FAIM2: variants seen among roughly 807,000 people sequenced by gnomAD.
FAIM2 encodes Fas apoptotic inhibitory molecule 2, also known as protein lifeguard 2.
A neutral mutation model predicts 47.4 loss-of-function variants in FAIM2; 27 were observed. The ratio of observed to expected loss-of-function variants is 0.57; its 90% CI spans 0.42 to 0.78. FAIM2 has a LOEUF of 0.78. FAIM2 is among the 30% of genes least tolerant of loss of function. The pLI, the probability that FAIM2 is intolerant of heterozygous loss-of-function variation, is 0.00. For missense variants in FAIM2, 311 were observed against 389.4 expected (o/e 0.80, Z 1.69); for synonymous variants, 156 against 159.3 (o/e 0.98, Z 0.16).
rs1946763533 is a variant in FAIM2, at chr12:49,878,533, CATGTGT to C, written c.802-7886_802-7881del. Among the ~76,000 whole-genome samples the C allele has an allele frequency of 4.8e-5, 5 of 104,612 alleles. 1 individual carries two copies. Among genetic ancestry groups the C allele is most frequent in the African/African-American group, 2.0e-4 (5 of 24,496 alleles). 68.6% of individuals were successfully genotyped at this position (104,612 alleles called of 152,430 possible). A position where few individuals can be genotyped will look rare whatever the true frequency, so the allele number is the denominator to read the frequency against. On this transcript the variant is annotated intron_variant, in intron 11 of 11. Coordinates refer to ENST00000320634, the MANE Select transcript of FAIM2 (RefSeq NM_012306.4). ...ATGTGTGCATATGACTGTGTATGTG[CATGTGT>C]ATATGTGCGTGCATGTGTGAGTGTA...
chr12:49,873,552 C>T (rs836968), intron 11 of FAIM2, among the ~76,000 whole-genome samples: 48,444 of 151,872 alleles, frequency 0.32, 8,208 homozygotes, highest in East Asian at 0.53. Flanking sequence ...GTTGGTTTCC[C>T]AGAGCCTGGT....
chr12:49,898,200 C>T, intron 2 of FAIM2, 110 bp from the exon 3 acceptor site: 1 of 479,928 alleles, frequency 2.1e-6, no homozygotes. Flanking sequence ...CTCTCTGGAC[C>T]CTGAAGTCTT....
rs140475730 is a variant in FAIM2 at position 49,892,648 on chromosome 12, G to A, written c.435-1534C>T. On this transcript the variant is annotated intron_variant, in intron 5 of 11. Transcript: ENST00000320634. The stretch of plus-strand genomic sequence containing the variant: ...CCTCACCACTCCTCGGTCCCTCCAG[G>A]GTCTCTCTCAGTCTGCCTGGTTCCC... Among the ~76,000 whole-genome samples, 398 of 152,116 alleles carry A rather than the reference G, an allele frequency of 2.6e-3. 4 individuals carry two copies. The highest frequency in any genetic ancestry group is 9.0e-3 in the African/African-American group (375 of 41,478).
At chr12:49,898,519 G>C (rs1946957278) in intron 2 of FAIM2, among the ~76,000 whole-genome samples, 1 of 152,010 alleles carries the variant, frequency 6.6e-6, no homozygotes, top group Admixed American at 6.6e-5. Flanking sequence ...CATTCTTTTT[G>C]TTTTTGTTTT....
intron 11 of FAIM2, among the ~76,000 whole-genome samples, chr12:49,880,494 A>ATGTGTGTGTATATG (rs1555158551): frequency 0.19 from 26,263 of 138,610 alleles, 3,017 homozygotes; most frequent in African/African-American, 0.36. Flanking sequence ...ATGCATGTGT[A>ATGTGTGTGTATATG]TGTGTGTGTA....
chr12:49,890,586 T>A lies in FAIM2; in HGVS notation c.525+97A>T, dbSNP rs1946893329. 6.0e-6 allele frequency: 7 copies of A among 1,167,996 alleles called. No homozygotes were observed. The South Asian group carries it at 6.1e-5, about 10-fold the overall frequency. The allele number at this position is 1,167,996 out of a possible 1,614,324, so 72.4% of individuals were successfully genotyped here. ...CCCGCCAGGGACCTCACATTGGACATCCCCAGCCCAGTCTTCCTGGTCCTC... is the reference window on the plus strand; with the variant it reads ...CCCGCCAGGGACCTCACATTGGACAACCCCAGCCCAGTCTTCCTGGTCCTC... On this transcript the variant is annotated intron_variant, in intron 7 of 11. Coordinates refer to ENST00000320634, the MANE Select transcript of FAIM2 (RefSeq NM_012306.4).
At position 49,867,928 on chromosome 12, in the gene FAIM2, A is replaced by G. The variant is rs1946675024; in HGVS notation, c.*2576T>C. 6.6e-6 allele frequency: 1 copy of G among 152,532 alleles called. No individual in the cohort carries two copies. 9.4% of individuals were successfully genotyped at this position (152,532 alleles called of 1,614,324 possible). The stretch of plus-strand genomic sequence containing the variant: ...AGGACCCAGAGTAGGAGGCTGCGGC[A>G]TCTTCTGCCCGGCTTCCCCAGCTCT... On this transcript the variant is annotated 3_prime_UTR_variant, in exon 12 of 12. Coordinates refer to ENST00000320634, the MANE Select transcript of FAIM2 (RefSeq NM_012306.4).
intron 7 of FAIM2, among the ~76,000 whole-genome samples, 190 bp downstream of exon 7, chr12:49,890,493 G>A (rs567658625): frequency 1.3e-5 from 2 of 152,338 alleles, no homozygotes; most frequent in African/African-American, 2.4e-5. Context: ...GAACGGGCAA[G>A]ATTAAGCCCA....
intron 3 of FAIM2, 140 bp downstream of exon 3, chr12:49,897,847 T>C (rs981164649): frequency 7.2e-6 from 5 of 693,170 alleles, no homozygotes; most frequent in South Asian, 1.7e-5. Flanking sequence ...AAGGAAGCAA[T>C]TCCTAGTGGG....
Position 49,903,811 on chromosome 12 carries a change from A to T in FAIM2, c.-19T>A. ...GGGTCATGGTGCCGTCTCTCGGGGA[A>T]GGGGTCCCTGAGGCCCGGGTGGCCG... On this transcript the variant is annotated 5_prime_UTR_variant, in exon 1 of 12. Coordinates refer to ENST00000320634, the MANE Select transcript of FAIM2 (RefSeq NM_012306.4). The T allele has an allele frequency of 6.5e-7, 1 of 1,539,274 alleles. No individual in the cohort carries two copies. The highest frequency in any genetic ancestry group is 8.8e-7 in the Non-Finnish European group (1 of 1,141,378).
intron 11 of FAIM2, among the ~76,000 whole-genome samples, chr12:49,879,788 G>A (rs1408569660): frequency 1.6e-4 from 25 of 151,688 alleles, no homozygotes; most frequent in Admixed American, 7.9e-4. Context: ...ATGTGCATGT[G>A]TGTATGTGTG....
chr12:49,874,059 G>A lies in FAIM2; in HGVS notation c.802-3406C>T, dbSNP rs1946720012. On this transcript the variant is annotated intron_variant, in intron 11 of 11. Transcript: ENST00000320634. The surrounding 1 kb of genome is among the most constrained non-coding windows in gnomAD (Gnocchi z 4.2). ...TTAACTAATGTCTTGGTTGAGAGCA[G>A]GTATCTTGGTTATAGTTAACATCTT... is the stretch of plus-strand genomic sequence containing the variant. Among the ~76,000 whole-genome samples, 2 of 152,180 alleles carry A rather than the reference G, an allele frequency of 1.3e-5. No homozygotes were observed. Among genetic ancestry groups the A allele is most frequent in the African/African-American group, 4.8e-5 (2 of 41,434 alleles).
intron 11 of FAIM2, among the ~76,000 whole-genome samples, chr12:49,876,664 C>T (rs533267370): frequency 2.6e-5 from 4 of 151,460 alleles, no homozygotes; most frequent in South Asian, 2.1e-4. Context: ...CCCAGCTACT[C>T]GGGAGGCTGA....
chr12:49,878,314 GTA>G (rs1353682596), intron 11 of FAIM2, among the ~76,000 whole-genome samples: 4 of 135,604 alleles, frequency 2.9e-5, no homozygotes, highest in African/African-American at 8.4e-5. Flanking sequence ...GTGCATGCGT[GTA>G]TATGTGTATT....
At chr12:49,893,045 C>T (rs1946911200) in intron 5 of FAIM2, among the ~76,000 whole-genome samples, 1 of 152,174 alleles carries the variant, frequency 6.6e-6, no homozygotes, top group Admixed American at 6.5e-5. Flanking sequence ...TTCCCTCCAC[C>T]CCACTACCAC....
At chr12:49,898,878 G>T (rs1321011593) in intron 2 of FAIM2, among the ~76,000 whole-genome samples, 2 of 152,214 alleles carry the variant, frequency 1.3e-5, no homozygotes, top group Non-Finnish European at 1.5e-5. Flanking sequence ...GGGACTGGTT[G>T]GCTGTGGTGG....
At chr12:49,883,896 C>T (rs1005959465) in intron 11 of FAIM2, among the ~76,000 whole-genome samples, 2 of 152,096 alleles carry the variant, frequency 1.3e-5, no homozygotes, top group Non-Finnish European at 2.9e-5. Context: ...ACAGAGGTCC[C>T]TTTGACCTGG....
At chr12:49,876,647 C>T (rs1592784106) in intron 11 of FAIM2, among the ~76,000 whole-genome samples, 1 of 151,852 alleles carries the variant, frequency 6.6e-6, no homozygotes, top group African/African-American at 2.4e-5. Context: ...TGGTGCACGC[C>T]TGTAGTCCCA....
chr12:49,889,100 G>C lies in FAIM2; in HGVS notation c.747+7C>G, dbSNP rs1946881375. On this transcript the variant is annotated splice_region_variant and intron_variant, in intron 10 of 11. Coordinates refer to ENST00000320634, the MANE Select transcript of FAIM2 (RefSeq NM_012306.4). Reference sequence around the variant, plus strand: ...CATGGGGCCTGCTGGGGGACCCAGAGACTCACATATTGGAAGGGTAGGAGG... The same window carrying C: ...CATGGGGCCTGCTGGGGGACCCAGACACTCACATATTGGAAGGGTAGGAGG... 1 of 1,601,724 alleles carries C rather than the reference G, an allele frequency of 6.2e-7. No individual in the cohort carries two copies. Among genetic ancestry groups the C allele is most frequent in the Non-Finnish European group, 8.5e-7 (1 of 1,172,512 alleles).
Sources: allele counts gnomAD v4.1 joint callset (sites outside exome capture counted in the v4.1 genomes callset), GRCh38; gene constraint gnomAD v4.1.1; non-coding constraint Gnocchi (gnomAD v3.1); transcripts MANE v1.5; gene names NCBI Gene and HGNC (gene_info 2026-07-23, HGNC 2026-07-21).